The following IKZF1 variants were observed in gnomAD, a reference collection of about 807,000 sequenced individuals.
The protein encoded by IKZF1 is DNA-binding protein Ikaros.
IKZF1 carries 10 observed loss-of-function variants against 51.7 expected under a neutral mutation model. That is an observed-to-expected ratio of 0.19 (90% CI 0.12 to 0.33). The LOEUF is 0.33. Among genes scored for constraint, IKZF1 ranks in the 10% least tolerant of loss-of-function variants. The probability of loss-of-function intolerance (pLI) is 1.00; values close to 1 mark genes in which losing one functional copy is unlikely to be tolerated. For synonymous variants in IKZF1, 280 were observed against 282.3 expected (o/e 0.99, Z 0.08); for missense variants, 484 against 707.5 (o/e 0.68, Z 3.58).
chr7:50,385,310 CCA>C (rs1282392090), intron 5 of IKZF1, among the ~76,000 whole-genome samples: 1 of 152,162 alleles, frequency 6.6e-6, no homozygotes, highest in Non-Finnish European at 1.5e-5. Context: ...TCAAATGTGG[CCA>C]CACTCTACTC....
rs949785958 is a variant in IKZF1 at position 50,339,551 on chromosome 7, C to A, written c.160+11794C>A. On this transcript the variant is annotated intron_variant, in intron 3 of 7. Coordinates refer to ENST00000331340, the MANE Select transcript of IKZF1 (RefSeq NM_006060.6). ...AGATCATGAGGTCAGGAGTTTGAGA[C>A]CAGCCTGGCCAATATGGTGAAACCC... Among the ~76,000 whole-genome samples, 6 of 151,998 alleles carry A rather than the reference C, an allele frequency of 3.9e-5. No homozygotes were observed. In the East Asian group the frequency reaches 1.2e-3, roughly 29 times the overall value.
intron 4 of IKZF1, among the ~76,000 whole-genome samples, chr7:50,378,117 C>A (rs977979745): frequency 1.3e-5 from 2 of 152,138 alleles, no homozygotes; most frequent in African/African-American, 4.8e-5. Context: ...TCAGGAAATG[C>A]AGATATTTGT....
intron 3 of IKZF1, among the ~76,000 whole-genome samples, chr7:50,331,438 CAAA>C (rs1188513813): frequency 9.4e-6 from 1 of 106,254 alleles, no homozygotes; most frequent in African/African-American, 3.3e-5. Flanking sequence ...CTAAAAGATG[CAAA>C]AAAAAAAAAA....
intron 3 of IKZF1, chr7:50,369,121 TG>T: frequency 4.3e-6 from 1 of 234,396 alleles, no homozygotes; most frequent in African/African-American, 2.2e-5. Flanking sequence ...GAGATGTATA[TG>T]TATGTACTTG....
intron 6 of IKZF1, among the ~76,000 whole-genome samples, chr7:50,389,923 A>C (rs78699863): frequency 0.13 from 20,533 of 152,192 alleles, 1,607 homozygotes; most frequent in South Asian, 0.23. Flanking sequence ...CTCCCACCCC[A>C]AAAACCTCCT....
chr7:50,337,012 C>T (rs1797946686), intron 3 of IKZF1, among the ~76,000 whole-genome samples: 1 of 152,064 alleles, frequency 6.6e-6, no homozygotes, highest in Admixed American at 6.5e-5. Flanking sequence ...AGAGGAGTTG[C>T]TGGGGACAGG....
rs1210034373 is a variant in IKZF1, at chr7:50,376,112, G to A, written c.161-421G>A. 3.3e-5 allele frequency among the ~76,000 whole-genome samples: 5 copies of A among 152,196 alleles called. No individual in the cohort carries two copies. Among genetic ancestry groups the A allele is most frequent in the Non-Finnish European group, 7.3e-5 (5 of 68,042 alleles). ...GCCAAACAAGTTCACACATCCTAGA[G>A]AGCTGGATTGTGTGACCCAGAACCC... On this transcript the variant is annotated intron_variant, in intron 3 of 7. Coordinates refer to ENST00000331340, the MANE Select transcript of IKZF1 (RefSeq NM_006060.6). This position sits in a 1 kb window ranked among gnomAD's most constrained non-coding sequence, Gnocchi z 4.5.
In IKZF1 at chr7:50,400,858, T is replaced by TA. The variant is rs1817996285; in HGVS notation, c.*232dup. The TA allele has an allele frequency of 1.7e-6, 1 of 576,876 alleles. No individual in the cohort carries two copies. Among genetic ancestry groups the TA allele is most frequent in the African/African-American group, 1.9e-5 (1 of 53,256 alleles). The allele number at this position is 576,876 out of a possible 1,614,324, so 35.7% of individuals were successfully genotyped here. ...CTGCATTGGGAGCATCCAGAACTGCTACCTTCCTAGATGTTTCCCCAGACC... is the reference window on the plus strand; with the variant it reads ...CTGCATTGGGAGCATCCAGAACTGCTAACCTTCCTAGATGTTTCCCCAGACC... On this transcript the variant is annotated 3_prime_UTR_variant, in exon 8 of 8. Coordinates refer to ENST00000331340, the MANE Select transcript of IKZF1 (RefSeq NM_006060.6). This position sits in a 1 kb window ranked among gnomAD's most constrained non-coding sequence, Gnocchi z 5.4.
chr7:50,356,302 C>A (rs935036294), intron 3 of IKZF1, among the ~76,000 whole-genome samples: 3 of 152,206 alleles, frequency 2.0e-5, no homozygotes, highest in Admixed American at 6.5e-5. Flanking sequence ...ATCTAGTACC[C>A]TGTGGGGACA....
At chr7:50,317,664 T>A (rs552545414) in intron 1 of IKZF1, among the ~76,000 whole-genome samples, 1 of 152,222 alleles carries the variant, frequency 6.6e-6, no homozygotes, top group East Asian at 1.9e-4. Context: ...TAAAAGCCCC[T>A]CCCATCCAGA....
intron 3 of IKZF1, among the ~76,000 whole-genome samples, chr7:50,371,161 G>A (rs1294634604): frequency 3.3e-5 from 5 of 152,146 alleles, no homozygotes; most frequent in Non-Finnish European, 7.4e-5. Context: ...TTCTCATATG[G>A]CATTTTCAAC....
At chr7:50,357,621 A>AT (rs1235810793) in intron 3 of IKZF1, among the ~76,000 whole-genome samples, 1 of 151,938 alleles carries the variant, frequency 6.6e-6, no homozygotes, top group Non-Finnish European at 1.5e-5. Flanking sequence ...CAGATCTTGG[A>AT]TTTTCCCTCT....
In IKZF1 at chr7:50,400,636, C is replaced by G. The variant is rs72645704; in HGVS notation, c.*9C>G. Reference sequence around the variant, plus strand: ...GCTTCCACATGAGCTAAAGCCCTCCCGCGCCCCCACCCCAGACCCCGAGCC... The same window carrying G: ...GCTTCCACATGAGCTAAAGCCCTCCGGCGCCCCCACCCCAGACCCCGAGCC... On this transcript the variant is annotated 3_prime_UTR_variant, in exon 8 of 8. Coordinates refer to ENST00000331340, the MANE Select transcript of IKZF1 (RefSeq NM_006060.6). The surrounding 1 kb of genome is among the most constrained non-coding windows in gnomAD (Gnocchi z 5.4). 2 of 1,600,242 alleles carry G rather than the reference C, an allele frequency of 1.2e-6. No homozygotes were observed. The highest frequency in any genetic ancestry group is 1.7e-6 in the Non-Finnish European group (2 of 1,177,846).
intron 3 of IKZF1, among the ~76,000 whole-genome samples, chr7:50,365,056 GTA>G (rs1310952519): frequency 4.6e-5 from 7 of 152,236 alleles, no homozygotes; most frequent in Non-Finnish European, 1.0e-4. Flanking sequence ...TGCAGCTGCA[GTA>G]CCTTACACAT....
intron 3 of IKZF1, among the ~76,000 whole-genome samples, chr7:50,363,771 C>G (rs1007312256): frequency 2.0e-5 from 3 of 152,348 alleles, no homozygotes; most frequent in South Asian, 4.1e-4. Flanking sequence ...GGTAGCACTT[C>G]AGGATCTAAC....
At chr7:50,344,417 G>A (rs1283233984) in intron 3 of IKZF1, among the ~76,000 whole-genome samples, 1 of 152,164 alleles carries the variant, frequency 6.6e-6, no homozygotes, top group African/African-American at 2.4e-5. Context: ...TTCTAAGCCA[G>A]GTTCCTTCTC....
At chr7:50,391,666 G>C (rs1815102891) in intron 6 of IKZF1, 63 bp from the exon 7 acceptor site, 2 of 1,585,282 alleles carry the variant, frequency 1.3e-6, no homozygotes, top group South Asian at 2.3e-5. Flanking sequence ...ATTTAACATT[G>C]GACGCGACTG....
chr7:50,392,306 A>T (rs1257041404), intron 7 of IKZF1, among the ~76,000 whole-genome samples: 1 of 152,188 alleles, frequency 6.6e-6, no homozygotes, highest in Non-Finnish European at 1.5e-5. Flanking sequence ...GGGAGGAATC[A>T]TACAGTGACT....
At chr7:50,397,221 G>T (rs185807829) in intron 7 of IKZF1, among the ~76,000 whole-genome samples, 3 of 152,028 alleles carry the variant, frequency 2.0e-5, no homozygotes, top group Non-Finnish European at 4.4e-5. Flanking sequence ...TCTCACACAC[G>T]CCATAATGAA....
Sources: allele counts gnomAD v4.1 joint callset (sites outside exome capture counted in the v4.1 genomes callset), GRCh38; gene constraint gnomAD v4.1.1; non-coding constraint Gnocchi (gnomAD v3.1); transcripts MANE v1.5; gene names NCBI Gene and HGNC (gene_info 2026-07-23, HGNC 2026-07-21).